TRPM5: variants seen among roughly 807,000 people sequenced by gnomAD.
The protein encoded by TRPM5 is transient receptor potential cation channel subfamily M member 5.
Under a neutral mutation model 124.9 loss-of-function variants are expected in TRPM5, and 121 were observed. That is an observed-to-expected ratio of 0.97 (90% confidence interval 0.84 to 1.13). The LOEUF (loss-of-function observed/expected upper bound fraction) is 1.13, where lower values mean the gene tolerates loss of function less well. Ranked by LOEUF, TRPM5 falls within the 50% of genes most tolerant of loss-of-function variation. The pLI, the probability that TRPM5 is intolerant of heterozygous loss-of-function variation, is 0.00. For missense variants in TRPM5, 1,643 were observed against 1,589.1 expected (o/e 1.03, Z -0.58); for synonymous variants, 781 against 700.5 (o/e 1.11, Z -1.81).
At chr11:2,405,568 G>A (rs2133495363) in exon 23 of TRPM5, 9 of 1,566,132 alleles carry the variant, frequency 5.7e-6, no homozygotes, top group Non-Finnish European at 7.8e-6. Context: ...AGCCACGGAG[G>A]ACACGAGCAC....
chr11:2,410,099 G>C (rs1850414724), intron 18 of TRPM5, among the ~76,000 whole-genome samples: 1 of 152,230 alleles, frequency 6.6e-6, no homozygotes, highest in African/African-American at 2.4e-5. Context: ...GGGCGAGGTG[G>C]GGTCGCAGGC....
rs778032646 is a variant in TRPM5, at chr11:2,407,107, G to C, written c.3118+12C>G. The C allele has an allele frequency of 1.9e-6, 2 of 1,053,048 alleles. No individual in the cohort carries two copies. The highest frequency in any genetic ancestry group is 2.0e-5 in the South Asian group (1 of 50,190). The allele number at this position is 1,053,048 out of a possible 1,614,324, so 65.2% of individuals were successfully genotyped here. Reference sequence around the variant, plus strand: ...GCCTCACCCAGGTGCTCCCGCTTGTGCTCGGCCTCACCCAGGTGCTCCCGC... The same window carrying C: ...GCCTCACCCAGGTGCTCCCGCTTGTCCTCGGCCTCACCCAGGTGCTCCCGC... On this transcript the variant is annotated intron_variant, in intron 20 of 23. Coordinates refer to ENST00000155858, the Ensembl canonical transcript of TRPM5.
rs754954420 is a variant in TRPM5, at chr11:2,407,981, C to T, written c.2783-69G>A. 7.1e-5 allele frequency: 111 copies of T among 1,566,920 alleles called. No individual in the cohort carries two copies. In the Middle Eastern group the frequency reaches 1.8e-3, roughly 26 times the overall value. On this transcript the variant is annotated intron_variant, in intron 18 of 23. Coordinates refer to ENST00000155858, the Ensembl canonical transcript of TRPM5. ...CAAGGGCGGCCTTAGGCAAATGCCC[C>T]GAGATAGAGCGCTGAGTCCTGGTGT...
intron 22 of TRPM5, 68 bp from the exon 28 acceptor site, chr11:2,405,661 C>T (rs1850303674): frequency 1.3e-6 from 2 of 1,492,332 alleles, no homozygotes; most frequent in South Asian, 2.4e-5. Context: ...AGGCAGCCTC[C>T]CCATCTCCCC....
At chr11:2,414,236 G>A (rs773596310) in intron 11 of TRPM5, 30 bp from the exon 17 acceptor site, 9 of 1,595,274 alleles carry the variant, frequency 5.6e-6, no homozygotes, top group African/African-American at 4.0e-5. Context: ...CCGCTAGGAC[G>A]AGACGCCGAT....
At chr11:2,409,804 C>T (rs774362374) in intron 18 of TRPM5, among the ~76,000 whole-genome samples, 10 of 152,196 alleles carry the variant, frequency 6.6e-5, no homozygotes, top group African/African-American at 1.7e-4. Context: ...CTGTTGCAGG[C>T]GTTTCAGCAC....
At chr11:2,415,237 G>T in exon 9 of TRPM5, 1 of 1,572,418 alleles carries the variant, frequency 6.4e-7, no homozygotes, top group Middle Eastern at 1.7e-4. Context: ...GGCCCCGCGG[G>T]TGGCTCCCGG....
exon 3 of TRPM5, chr11:2,421,117 C>T (rs1228386508): frequency 1.3e-6 from 2 of 1,545,150 alleles, no homozygotes. Flanking sequence ...GGTGGACGTG[C>T]TGGCCAGCGA....
At position 2,411,626 on chromosome 11, in the gene TRPM5, G is replaced by C. The variant is rs1850453666; in HGVS notation, c.2607+9C>G. The C allele has an allele frequency of 6.2e-7, 1 of 1,611,380 alleles. No individual in the cohort carries two copies. On this transcript the variant is annotated intron_variant, in intron 17 of 23. Coordinates refer to ENST00000155858, the Ensembl canonical transcript of TRPM5. ...TCCAGGGCCAGGGCCAGGGCCCCCG[G>C]GGGCTCACCATGCGCTCTACCACGA...
intron 2 of TRPM5, among the ~76,000 whole-genome samples, 175 bp from the exon 8 acceptor site, chr11:2,421,373 C>T (rs116607683): frequency 0.021 from 3,267 of 152,310 alleles, 115 homozygotes; most frequent in African/African-American, 0.075. Context: ...GGCAAGGCAC[C>T]CACCCAAGGC....
At chr11:2,418,873 A>T (rs1845727053) in intron 4 of TRPM5, among the ~76,000 whole-genome samples, 1 of 152,230 alleles carries the variant, frequency 6.6e-6, no homozygotes, top group Non-Finnish European at 1.5e-5. Context: ...CGGAGCACCC[A>T]GCCCTACAGG....
At chr11:2,418,167 C>T (rs1442433843) in exon 6 of TRPM5, 26 of 1,561,246 alleles carry the variant, frequency 1.7e-5, no homozygotes, top group Non-Finnish European at 2.2e-5. Context: ...CAGCACATAC[C>T]AGCTTGGTCC....
intron 12 of TRPM5, 52 bp downstream of exon 17, chr11:2,414,009 G>GGGGCGCC: frequency 9.8e-7 from 1 of 1,023,734 alleles, no homozygotes; most frequent in Non-Finnish European, 1.4e-6. Context: ...GGCCCAGCTC[G>GGGGCGCC]CCCGCCCACC....
the TRPM5 span, among the ~76,000 whole-genome samples, chr11:2,429,377 G>A: frequency 3.3e-5 from 5 of 151,446 alleles, no homozygotes; most frequent in East Asian, 1.9e-4. The surrounding 1 kb of genome is among the most constrained non-coding windows in gnomAD (Gnocchi z 8.4). Context: ...GGTGATGATC[G>A]TGGTTGTGGT....
upstream of TRPM5, among the ~76,000 whole-genome samples, chr11:2,425,384 G>A (rs1845831983): frequency 6.6e-6 from 1 of 152,142 alleles, no homozygotes; most frequent in Non-Finnish European, 1.5e-5. Context: ...TTCTGCCTTG[G>A]TTGCCGCATG....
chr11:2,419,311 A>G (rs1845732608), intron 4 of TRPM5, among the ~76,000 whole-genome samples: 1 of 152,182 alleles, frequency 6.6e-6, no homozygotes, highest in South Asian at 2.1e-4. Flanking sequence ...TTTCAATTCT[A>G]AAGAGTGCTC....
chr11:2,406,516 C>G (rs11601728), intron 21 of TRPM5, 145 bp downstream of exon 26: 2 of 1,149,644 alleles, frequency 1.7e-6, no homozygotes, highest in East Asian at 2.4e-5. Flanking sequence ...GGCTGGAAAG[C>G]TAGGCCCCTG....
chr11:2,413,118 G>A lies in TRPM5; in HGVS notation c.2096+16C>T, dbSNP rs2133514664. 1.3e-6 allele frequency: 2 copies of A among 1,553,446 alleles called. No individual in the cohort carries two copies. Among genetic ancestry groups the A allele is most frequent in the Non-Finnish European group, 1.7e-6 (2 of 1,148,748 alleles). ...CCGCCAGTCCCCTCCACCCTGCCTG[G>A]CCCTGTGCCTCGCACCGGCTCTGCA... is the stretch of plus-strand genomic sequence containing the variant. On this transcript the variant is annotated intron_variant, in intron 14 of 23. Coordinates refer to ENST00000155858, the Ensembl canonical transcript of TRPM5.
At chr11:2,414,994 G>A (rs762316590) in exon 10 of TRPM5, 1 of 1,606,056 alleles carries the variant, frequency 6.2e-7, no homozygotes, top group Non-Finnish European at 8.5e-7. Flanking sequence ...CGCTCTTCTG[G>A]TTCAGGTCCA....
Sources: allele counts gnomAD v4.1 joint callset (sites outside exome capture counted in the v4.1 genomes callset), GRCh38; gene constraint gnomAD v4.1.1; non-coding constraint Gnocchi (gnomAD v3.1); transcripts MANE v1.5; gene names NCBI Gene and HGNC (gene_info 2026-07-23, HGNC 2026-07-21).